The following NCR3LG1 variants were observed in gnomAD, a reference collection of about 807,000 sequenced individuals.
The protein encoded by NCR3LG1 is natural killer cell cytotoxicity receptor 3 ligand 1, also known as natural cytotoxicity triggering receptor 3 ligand 1.
In NCR3LG1, 35 loss-of-function variants were observed where a neutral mutation model predicts 34.8. That is an observed-to-expected ratio of 1.01 (90% CI 0.77 to 1.33). The LOEUF (loss-of-function observed/expected upper bound fraction) is 1.33. Among genes scored for constraint, NCR3LG1 ranks in the 40% most tolerant of loss-of-function variants. NCR3LG1 has a pLI of 0.00. For synonymous variants in NCR3LG1, 173 were observed against 163.6 expected (o/e 1.06, Z -0.44); for missense variants, 452 against 423.3 (o/e 1.07, Z -0.60).
Position 17,356,682 on chromosome 11 carries a change from G to A in NCR3LG1, c.102G>A (p.Gly34=), listed in dbSNP as rs964719438. The A allele has an allele frequency of 1.3e-6, 2 of 1,535,614 alleles. No homozygotes were observed. The highest frequency in any genetic ancestry group is 2.4e-5 in the East Asian group (1 of 40,920). ...TGAAAGTAGAGATGATGGCAGGGGG[G>A]ACTCAGATCACACCCCTGAATGACA... ...GDLKVEMMAG[G]TQITPLNDNV... The change falls in exon 2 of 5, where the codon GGG becomes GGA. Residue 34 remains glycine (G), a synonymous_variant. Transcript: ENST00000338965.
chr11:17,365,591 C>T (rs1953336631), intron 2 of NCR3LG1, among the ~76,000 whole-genome samples: 1 of 152,140 alleles, frequency 6.6e-6, no homozygotes, highest in Non-Finnish European at 1.5e-5. Context: ...TGACATCTTC[C>T]CTTGAGATGG....
At chr11:17,360,861 C>T (rs554647676) in intron 2 of NCR3LG1, among the ~76,000 whole-genome samples, 84 of 152,252 alleles carry the variant, frequency 5.5e-4, no homozygotes, top group South Asian at 5.0e-3. Context: ...CTCAGCTTTC[C>T]GAGTAGCTTG....
chr11:17,362,908 T>C (rs868273590), intron 2 of NCR3LG1, among the ~76,000 whole-genome samples: 20 of 74,054 alleles, frequency 2.7e-4, no homozygotes, highest in African/African-American at 1.0e-3. Context: ...CTCCCTTCCC[T>C]TCCCTTCCCT....
rs1310492751 is a variant in NCR3LG1, at chr11:17,377,204, TGTG to T, written c.*4697_*4699del. 1.3e-5 allele frequency: 2 copies of T among 151,552 alleles called. No individual in the cohort carries two copies. Among genetic ancestry groups the T allele is most frequent in the African/African-American group, 4.9e-5 (2 of 41,178 alleles). The allele number at this position is 151,552 out of a possible 1,614,324, so 9.4% of individuals were successfully genotyped here. A position where few individuals can be genotyped will look rare whatever the true frequency, so the allele number is the denominator to read the frequency against. On this transcript the variant is annotated 3_prime_UTR_variant, in exon 5 of 5. Coordinates refer to ENST00000338965, the MANE Select transcript of NCR3LG1 (RefSeq NM_001202439.3). ...TTTGAAACTCCATTTGTCGGCCAGG[TGTG>T]GTGGCTTACGACTGTAATCCCAGCA...
intron 2 of NCR3LG1, among the ~76,000 whole-genome samples, chr11:17,359,501 C>CTTT (rs34224243): frequency 7.3e-6 from 1 of 136,672 alleles, no homozygotes; most frequent in Non-Finnish European, 1.6e-5. Flanking sequence ...TTGGCAATTC[C>CTTT]TTTTTTTTTT....
rs1157711681 is a variant in NCR3LG1 at position 17,352,009 on chromosome 11, CT to C, written c.41del (p.Leu14ArgfsTer7). On this transcript the variant is annotated frameshift_variant, in exon 1 of 5. Transcript: ENST00000338965. LOFTEE classifies it high-confidence loss of function. ...RAAASTCAAL[L>X]ILLWALTTEG... The stretch of plus-strand genomic sequence containing the variant: ...TGCCGCCTCCACGTGCGCGGCGCTC[CT>C]GATTCTGCTGTGGGCGCTGACGACC... 160 of 1,291,870 alleles carry C rather than the reference CT, an allele frequency of 1.2e-4. No individual in the cohort carries two copies. The highest frequency in any genetic ancestry group is 1.6e-4 in the Non-Finnish European group (157 of 997,008). The allele number at this position is 1,291,870 out of a possible 1,614,324, so 80.0% of individuals were successfully genotyped here.
intron 2 of NCR3LG1, among the ~76,000 whole-genome samples, chr11:17,360,027 T>C (rs1306033741): frequency 1.3e-5 from 2 of 152,098 alleles, no homozygotes; most frequent in Non-Finnish European, 1.5e-5. Context: ...GGCTTCAGCC[T>C]CCCAAGTAGC....
Position 17,372,692 on chromosome 11 carries a change from T to C in NCR3LG1, c.*180T>C, listed in dbSNP as rs1953425896. On this transcript the variant is annotated 3_prime_UTR_variant, in exon 5 of 5. Transcript: ENST00000338965. Reference sequence around the variant, plus strand: ...TGATGTTATGTTGCTCTTAAACTCTTAACTACTACAGAGAAACAGGTAGCC... The same window carrying C: ...TGATGTTATGTTGCTCTTAAACTCTCAACTACTACAGAGAAACAGGTAGCC... 1.8e-6 allele frequency: 1 copy of C among 546,554 alleles called. No individual in the cohort carries two copies. Among genetic ancestry groups the C allele is most frequent in the East Asian group, 2.8e-5 (1 of 35,358 alleles). The allele number at this position is 546,554 out of a possible 1,614,324, so 33.9% of individuals were successfully genotyped here. A position where few individuals can be genotyped will look rare whatever the true frequency, so the allele number is the denominator to read the frequency against.
chr11:17,351,884 C>A lies in NCR3LG1; in HGVS notation c.-86C>A. ...GCTGTGTCTCCGTCAACTCTTTACG[C>A]AACAGAGGTCTCCCCCTGCCCTTGG... On this transcript the variant is annotated 5_prime_UTR_variant, in exon 1 of 5. Transcript: ENST00000338965. The A allele has an allele frequency of 9.5e-7, 1 of 1,057,918 alleles. No homozygotes were observed. The highest frequency in any genetic ancestry group is 1.4e-6 in the Non-Finnish European group (1 of 715,722). 65.5% of individuals were successfully genotyped at this position (1,057,918 alleles called of 1,614,324 possible). A position where few individuals can be genotyped will look rare whatever the true frequency, so the allele number is the denominator to read the frequency against.
rs1178779882 is a variant in NCR3LG1, at chr11:17,372,096, C to T, written c.949C>T (p.His317Tyr). ...SFDTQTLKKE[H>Y]LIFFCTRAWP... Reference sequence around the variant, plus strand: ...TGACACTCAGACTCTGAAGAAAGAGCACCTCATATTCTTTTGCACTCGGGC... The same window carrying T: ...TGACACTCAGACTCTGAAGAAAGAGTACCTCATATTCTTTTGCACTCGGGC... Residue 317 changes from histidine to tyrosine, a missense_variant, in exon 5 of 5, where the codon CAC becomes TAC. Coordinates refer to ENST00000338965, the MANE Select transcript of NCR3LG1 (RefSeq NM_001202439.3). 9 of 702,884 alleles carry T rather than the reference C, an allele frequency of 1.3e-5. No individual in the cohort carries two copies. The highest frequency in any genetic ancestry group is 2.3e-5 in the Non-Finnish European group (9 of 385,010). The allele number at this position is 702,884 out of a possible 1,614,324, so 43.5% of individuals were successfully genotyped here.
At position 17,367,729 on chromosome 11, in the gene NCR3LG1, G is replaced by T. The variant is rs190401931; in HGVS notation, c.760+382G>T. ...TCCCTGAGGATAAGGGGCTATCAGG[G>T]GCCAGGGACCAGTCCTGCTAGCAGC... On this transcript the variant is annotated intron_variant, in intron 3 of 4. Transcript: ENST00000338965. Among the ~76,000 whole-genome samples, 387 of 152,210 alleles carry T rather than the reference G, an allele frequency of 2.5e-3. 3 individuals are homozygous for T. The highest frequency in any genetic ancestry group is 8.9e-3 in the African/African-American group (368 of 41,526).
downstream of NCR3LG1, chr11:17,381,177 G>A (rs532167228): frequency 2.6e-5 from 4 of 152,110 alleles, no homozygotes; most frequent in South Asian, 2.1e-4. Flanking sequence ...CTCATTACTC[G>A]TACTTCTAAC....
At chr11:17,359,520 GA>G (rs1438981357) in intron 2 of NCR3LG1, among the ~76,000 whole-genome samples, 1 of 141,364 alleles carries the variant, frequency 7.1e-6, no homozygotes, top group South Asian at 2.2e-4. Flanking sequence ...TTTTTTTTGA[GA>G]TTTTTTTTTT....
chr11:17,371,156 C>G (rs1485092968), intron 4 of NCR3LG1, among the ~76,000 whole-genome samples: 1 of 142,236 alleles, frequency 7.0e-6, no homozygotes, highest in Non-Finnish European at 1.5e-5. Context: ...ATGAGACAAA[C>G]TAGTTTTTTT....
chr11:17,363,899 CT>C (rs1953315760), intron 2 of NCR3LG1, among the ~76,000 whole-genome samples: 1 of 152,022 alleles, frequency 6.6e-6, no homozygotes, highest in Non-Finnish European at 1.5e-5. Flanking sequence ...GCTTGGCCAT[CT>C]TTGTCTTTCT....
intron 4 of NCR3LG1, 103 bp downstream of exon 4, chr11:17,369,067 G>A (rs1228593720): frequency 1.0e-5 from 7 of 680,076 alleles, no homozygotes; most frequent in Non-Finnish European, 1.5e-5. Flanking sequence ...CAGGCCTGCT[G>A]GAAAGGACTT....
downstream of NCR3LG1, chr11:17,381,259 A>G (rs1441818806): frequency 6.6e-6 from 1 of 152,310 alleles, no homozygotes; most frequent in East Asian, 1.9e-4. Flanking sequence ...GAATGAGGGA[A>G]GTAACCCATG....
chr11:17,367,076 T>C lies in NCR3LG1; in HGVS notation c.489T>C (p.Cys163=). The C allele has an allele frequency of 6.5e-7, 1 of 1,536,076 alleles. No individual in the cohort carries two copies. The highest frequency in any genetic ancestry group is 2.4e-5 in the East Asian group (1 of 40,914). ...AAGAGAATGAAGACAAATATATGTGTGAGTCAAGTGGGTTCTACCCAGAGG... is the reference window on the plus strand; with the variant it reads ...AAGAGAATGAAGACAAATATATGTGCGAGTCAAGTGGGTTCTACCCAGAGG... ...GMKENEDKYM[C]ESSGFYPEAI... The change falls in exon 3 of 5, where the codon TGT becomes TGC. Residue 163 remains cysteine, a synonymous_variant. Coordinates refer to ENST00000338965, the MANE Select transcript of NCR3LG1 (RefSeq NM_001202439.3).
chr11:17,356,389 G>A (rs564184647), intron 1 of NCR3LG1, among the ~76,000 whole-genome samples: 15 of 151,814 alleles, frequency 9.9e-5, no homozygotes, highest in African/African-American at 3.6e-4. Flanking sequence ...TGCCTGCCTG[G>A]GCCTCCCAAA....
Sources: gnomAD v4.1 joint callset for allele counts (sites outside exome capture counted in the v4.1 genomes callset) on GRCh38, gnomAD v4.1.1 for gene constraint, MANE v1.5 for transcripts, NCBI Gene and HGNC (gene_info 2026-07-23, HGNC 2026-07-21) for gene names.